UBE2F: variants seen among roughly 807,000 people sequenced by gnomAD.
UBE2F encodes ubiquitin conjugating enzyme E2 F (putative), also known as NEDD8-conjugating enzyme UBE2F.
Under a neutral mutation model 29.6 loss-of-function variants are expected in UBE2F, and 5 were observed. That is an observed-to-expected ratio of 0.17 (90% CI 0.09 to 0.36). The LOEUF (loss-of-function observed/expected upper bound fraction) is 0.36. Among genes scored for constraint, UBE2F ranks in the 10% least tolerant of loss-of-function variants. The pLI, the probability that UBE2F is intolerant of heterozygous loss-of-function variation, is 1.00. For missense variants in UBE2F, 141 were observed against 228.5 expected, an observed-to-expected ratio of 0.62 and a Z score of 2.47; for synonymous variants, 66 against 81.8, an observed-to-expected ratio of 0.81 and a Z score of 1.04.
chr2:238,034,718 T>C (rs2106411477), intron 8 of UBE2F, among the ~76,000 whole-genome samples: 1 of 152,290 alleles, frequency 6.6e-6, no homozygotes, highest in African/African-American at 2.4e-5. Context: ...AGTTTTTCTT[T>C]GCTATTTTGT....
At position 237,967,240 on chromosome 2, in the gene UBE2F, G is replaced by A; in HGVS notation, c.-17+108G>A. On this transcript the variant is annotated intron_variant, in intron 1 of 9. Coordinates refer to ENST00000272930, the MANE Select transcript of UBE2F (RefSeq NM_080678.3). This position sits in a 1 kb window ranked among gnomAD's most constrained non-coding sequence, Gnocchi z 6.3. ...GCGGGCGGTGGCGGGGCCGCCTCGG[G>A]CCCGCCGGGTTCCTCACGCCGGGGG... The A allele has an allele frequency of 1.3e-6, 1 of 771,188 alleles. No homozygotes were observed. Among genetic ancestry groups the A allele is most frequent in the Non-Finnish European group, 1.6e-6 (1 of 635,456 alleles). 47.8% of individuals were successfully genotyped at this position (771,188 alleles called of 1,614,324 possible).
chr2:237,972,848 C>A (rs1335776197), intron 1 of UBE2F, among the ~76,000 whole-genome samples: 1 of 152,070 alleles, frequency 6.6e-6, no homozygotes, highest in African/African-American at 2.4e-5. Context: ...CCACCGTGCC[C>A]AGCCATGACT....
chr2:238,028,509 T>G (rs2064488621), intron 6 of UBE2F, among the ~76,000 whole-genome samples: 1 of 152,254 alleles, frequency 6.6e-6, no homozygotes, highest in Non-Finnish European at 1.5e-5. Flanking sequence ...GGATTTGACT[T>G]CATTCCCAAA....
At chr2:238,034,428 CAAA>C (rs913371911) in intron 8 of UBE2F, among the ~76,000 whole-genome samples, 3 of 148,770 alleles carry the variant, frequency 2.0e-5, no homozygotes, top group Non-Finnish European at 3.0e-5. Context: ...AAATCCGTCT[CAAA>C]AAAAAAAATT....
At chr2:238,021,980 G>A (rs929201709) in intron 5 of UBE2F, among the ~76,000 whole-genome samples, 5 of 152,108 alleles carry the variant, frequency 3.3e-5, no homozygotes, top group Non-Finnish European at 5.9e-5. Context: ...TAAGGTTCTG[G>A]ATAAATCCTA....
chr2:237,998,684 A>T (rs2106358679), intron 4 of UBE2F, among the ~76,000 whole-genome samples: 1 of 151,074 alleles, frequency 6.6e-6, no homozygotes, highest in East Asian at 1.9e-4. Context: ...TAAGAGTGGA[A>T]TTTTTGAGTC....
Position 238,028,696 on chromosome 2 carries a change from C to T in UBE2F, c.354-1860C>T, listed in dbSNP as rs147977396. Among the ~76,000 whole-genome samples the T allele has an allele frequency of 1.1e-3, 160 of 152,254 alleles. 2 individuals are homozygous for T. In the East Asian group the frequency reaches 0.027, roughly 26 times the overall value. ...TAGTTATCTGTTTTTTTTAACTGCT[C>T]TTCACAGACAATTAAGATTATAGCT... On this transcript the variant is annotated intron_variant, in intron 6 of 9. Coordinates refer to ENST00000272930, the MANE Select transcript of UBE2F (RefSeq NM_080678.3).
At chr2:237,998,491 C>T (rs990679603) in intron 4 of UBE2F, among the ~76,000 whole-genome samples, 1 of 151,724 alleles carries the variant, frequency 6.6e-6, no homozygotes. Context: ...AGTTTATTCC[C>T]TTTTTATGGA....
At chr2:238,005,646 C>A (rs2063886571) in intron 4 of UBE2F, among the ~76,000 whole-genome samples, 1 of 151,300 alleles carries the variant, frequency 6.6e-6, no homozygotes, top group South Asian at 2.1e-4. Flanking sequence ...CCATTTCTAG[C>A]ACCATTTGTT....
rs1265331994 is a variant in UBE2F, at chr2:238,040,421, T to C, written c.508-867T>C. 6.6e-6 allele frequency among the ~76,000 whole-genome samples: 1 copy of C among 152,224 alleles called. No individual in the cohort carries two copies. Among genetic ancestry groups the C allele is most frequent in the Non-Finnish European group, 1.5e-5 (1 of 68,044 alleles). ...GGCTTAGCTAAGGAAATGGAGCTCA[T>C]GCCCACTAAGAACTATGGTAACTGT... On this transcript the variant is annotated intron_variant, in intron 9 of 9. Transcript: ENST00000272930. The surrounding 1 kb of genome is among the most constrained non-coding windows in gnomAD (Gnocchi z 4.4).
chr2:238,025,934 C>A (rs1049241450), intron 6 of UBE2F, among the ~76,000 whole-genome samples: 1 of 152,216 alleles, frequency 6.6e-6, no homozygotes, highest in African/African-American at 2.4e-5. Flanking sequence ...TGACTTGTGT[C>A]CCTGATCCCT....
intron 9 of UBE2F, among the ~76,000 whole-genome samples, chr2:238,037,754 C>T (rs923990897): frequency 3.9e-5 from 6 of 152,126 alleles, no homozygotes; most frequent in East Asian, 3.9e-4. Context: ...TGTGGGCATG[C>T]GCCACCACAC....
intron 3 of UBE2F, among the ~76,000 whole-genome samples, chr2:237,994,366 G>A (rs956669529): frequency 6.6e-6 from 1 of 152,000 alleles, no homozygotes; most frequent in African/African-American, 2.4e-5. Context: ...CTCTTTCCTG[G>A]TTTTTTCGTG....
rs933612451 is a variant in UBE2F at position 237,967,161 on chromosome 2, G to T, written c.-17+29G>T. On this transcript the variant is annotated intron_variant, in intron 1 of 9. Coordinates refer to ENST00000272930, the MANE Select transcript of UBE2F (RefSeq NM_080678.3). The surrounding 1 kb of genome is among the most constrained non-coding windows in gnomAD (Gnocchi z 6.3). ...AGGAGCGACCGTGCGGCTCTGCGGC[G>T]GGGCGAGGTGCGGCCGCCGGTGCAC... The T allele has an allele frequency of 1.7e-6, 2 of 1,187,060 alleles. No homozygotes were observed. The highest frequency in any genetic ancestry group is 2.1e-6 in the Non-Finnish European group (2 of 959,624). 73.5% of individuals were successfully genotyped at this position (1,187,060 alleles called of 1,614,324 possible).
intron 5 of UBE2F, among the ~76,000 whole-genome samples, chr2:238,023,676 A>G (rs1487850533): frequency 6.6e-6 from 1 of 152,232 alleles, no homozygotes; most frequent in East Asian, 1.9e-4. Flanking sequence ...CCATTTCACA[A>G]AGGTTTGATT....
chr2:238,039,386 A>G (rs975265063), intron 9 of UBE2F, among the ~76,000 whole-genome samples: 1 of 152,242 alleles, frequency 6.6e-6, no homozygotes, highest in Non-Finnish European at 1.5e-5. Context: ...TGAGGCAGGA[A>G]TGTGCTGTGG....
chr2:237,994,429 T>C (rs2063649641), intron 3 of UBE2F, among the ~76,000 whole-genome samples: 1 of 152,210 alleles, frequency 6.6e-6, no homozygotes, highest in Non-Finnish European at 1.5e-5. Flanking sequence ...TGGTTTCTTC[T>C]TGTCAAAGTA....
chr2:238,018,173 G>A (rs1004045283), intron 5 of UBE2F, among the ~76,000 whole-genome samples: 3 of 152,146 alleles, frequency 2.0e-5, no homozygotes, highest in Non-Finnish European at 2.9e-5. Context: ...CACCATGTCC[G>A]GTGGGAGGTG....
At chr2:238,028,218 C>T (rs994146519) in intron 6 of UBE2F, among the ~76,000 whole-genome samples, 1 of 152,250 alleles carries the variant, frequency 6.6e-6, no homozygotes, top group Non-Finnish European at 1.5e-5. Flanking sequence ...TGGGGCCGGC[C>T]TTGCCTCCCC....
Sources: gnomAD v4.1 joint callset for allele counts (sites outside exome capture counted in the v4.1 genomes callset) on GRCh38, gnomAD v4.1.1 for gene constraint, Gnocchi (gnomAD v3.1) non-coding constraint, MANE v1.5 for transcripts, NCBI Gene and HGNC (gene_info 2026-07-23, HGNC 2026-07-21) for gene names.